Variants in ERBB4 observed in about 807,000 individuals in gnomAD.
ERBB4 encodes receptor tyrosine-protein kinase erbB-4.
Under a neutral mutation model 158.0 loss-of-function variants are expected in ERBB4, and 42 were observed. The ratio of observed to expected loss-of-function variants is 0.27; its 90% CI spans 0.21 to 0.34. The LOEUF is 0.34. Ranked by LOEUF, ERBB4 falls within the 10% of genes least tolerant of loss-of-function variation. The pLI is 1.00. For missense variants in ERBB4, 1,333 were observed against 1,624.1 expected, an observed-to-expected ratio of 0.82 and a Z score of 3.08; for synonymous variants, 583 against 558.7, an observed-to-expected ratio of 1.04 and a Z score of -0.61.
chr2:212,359,486 T>C (rs2089599988), intron 1 of ERBB4, among the ~76,000 whole-genome samples: 1 of 151,152 alleles, frequency 6.6e-6, no homozygotes, highest in South Asian at 2.1e-4. Flanking sequence ...TGGGCTAATG[T>C]ATCTGTTTTT....
intron 1 of ERBB4, among the ~76,000 whole-genome samples, 190 bp downstream of exon 1, chr2:212,538,255 GATAA>G (rs1197265174): frequency 2.0e-5 from 3 of 152,164 alleles, no homozygotes; most frequent in Admixed American, 6.5e-5. Context: ...GATTTTTCAC[GATAA>G]ATAAAGCAAA....
intron 20 of ERBB4, among the ~76,000 whole-genome samples, chr2:211,452,865 T>C (rs1160364526): frequency 6.6e-6 from 1 of 152,204 alleles, no homozygotes; most frequent in African/African-American, 2.4e-5. Context: ...ATCAAACAAT[T>C]GAAATCAACA....
At chr2:212,004,695 G>T (rs541048305) in intron 2 of ERBB4, among the ~76,000 whole-genome samples, 2 of 151,916 alleles carry the variant, frequency 1.3e-5, no homozygotes, top group African/African-American at 4.8e-5. Flanking sequence ...GAAAGACTCT[G>T]GTCTATCACA....
intron 4 of ERBB4, among the ~76,000 whole-genome samples, chr2:211,773,810 C>T (rs976607756): frequency 6.7e-6 from 1 of 150,292 alleles, no homozygotes; most frequent in Non-Finnish European, 1.5e-5. Flanking sequence ...AGAAAACAAC[C>T]TGGATTACTC....
intron 3 of ERBB4, among the ~76,000 whole-genome samples, chr2:211,883,005 G>A (rs969116096): frequency 6.6e-6 from 1 of 152,112 alleles, no homozygotes; most frequent in Non-Finnish European, 1.5e-5. Flanking sequence ...ACATGCACAC[G>A]TATGTTTATT....
At chr2:211,589,047 A>G (rs183501648) in intron 19 of ERBB4, among the ~76,000 whole-genome samples, 17 of 152,292 alleles carry the variant, frequency 1.1e-4, no homozygotes, top group Non-Finnish European at 2.1e-4. Context: ...AATCCTGAAA[A>G]TCTATAATTG....
intron 1 of ERBB4, among the ~76,000 whole-genome samples, chr2:212,277,420 C>A (rs1297423936): frequency 1.3e-5 from 2 of 151,792 alleles, no homozygotes; most frequent in African/African-American, 4.8e-5. Flanking sequence ...CGATTTCACC[C>A]CCGAATAAAT....
intron 20 of ERBB4, among the ~76,000 whole-genome samples, chr2:211,500,093 T>A (rs4672618): frequency 0.16 from 24,044 of 152,042 alleles, 2,282 homozygotes; most frequent in East Asian, 0.38. Flanking sequence ...GGAGATGAAA[T>A]GGTCTTTGAA....
chr2:211,817,207 C>T (rs1307302958), intron 3 of ERBB4, among the ~76,000 whole-genome samples: 1 of 152,106 alleles, frequency 6.6e-6, no homozygotes, highest in African/African-American at 2.4e-5. Flanking sequence ...TAGCATCTTC[C>T]TCAAAGATAA....
intron 19 of ERBB4, among the ~76,000 whole-genome samples, chr2:211,580,038 G>C (rs930555967): frequency 2.0e-5 from 3 of 152,146 alleles, no homozygotes; most frequent in African/African-American, 4.8e-5. Context: ...AACCAGAAAC[G>C]TGAATACCCA....
intron 16 of ERBB4, among the ~76,000 whole-genome samples, chr2:211,650,149 G>T (rs2070930675): frequency 6.6e-6 from 1 of 151,846 alleles, no homozygotes; most frequent in Non-Finnish European, 1.5e-5. Flanking sequence ...TACTTACTTA[G>T]GATCTAATAC....
intron 13 of ERBB4, 79 bp downstream of exon 13, chr2:211,678,966 CAAAAAAA>C (rs71054127): frequency 1.6e-4 from 83 of 508,580 alleles, no homozygotes; most frequent in Non-Finnish European, 2.2e-4. Flanking sequence ...GACTCCGTCT[CAAAAAAA>C]AAAAAAAAAA....
chr2:211,944,988 A>T (rs1402214026), intron 3 of ERBB4, among the ~76,000 whole-genome samples: 1 of 152,194 alleles, frequency 6.6e-6, no homozygotes, highest in African/African-American at 2.4e-5. Flanking sequence ...CCAGTCCAGT[A>T]GCTCTGCACT....
chr2:212,419,196 G>A (rs1352741970), intron 1 of ERBB4, among the ~76,000 whole-genome samples: 2 of 151,334 alleles, frequency 1.3e-5, no homozygotes, highest in Non-Finnish European at 3.0e-5. Context: ...TGAACTGAAC[G>A]TTCAAAATTA....
intron 1 of ERBB4, among the ~76,000 whole-genome samples, chr2:212,526,269 T>A (rs1457969646): frequency 1.3e-5 from 2 of 152,066 alleles, no homozygotes; most frequent in African/African-American, 4.8e-5. Flanking sequence ...TCTATTTGTC[T>A]TATCTTTTTC....
intron 1 of ERBB4, among the ~76,000 whole-genome samples, chr2:212,449,487 C>T (rs79292196): frequency 9.9e-5 from 15 of 152,124 alleles, no homozygotes; most frequent in Non-Finnish European, 2.1e-4. Flanking sequence ...AGATTGCAGG[C>T]TGTATTTAAT....
At chr2:211,703,654 C>T (rs982103226) in intron 11 of ERBB4, among the ~76,000 whole-genome samples, 1 of 152,106 alleles carries the variant, frequency 6.6e-6, no homozygotes, top group African/African-American at 2.4e-5. Context: ...CAGCACTACA[C>T]GTACAGTGGT....
At chr2:212,089,740 A>G (rs1334330387) in intron 2 of ERBB4, among the ~76,000 whole-genome samples, 1 of 152,170 alleles carries the variant, frequency 6.6e-6, no homozygotes, top group Non-Finnish European at 1.5e-5. Flanking sequence ...GAGCCAATTA[A>G]GCTCTTTTCT....
At chr2:212,056,101 A>C (rs1303376844) in intron 2 of ERBB4, among the ~76,000 whole-genome samples, 1 of 152,278 alleles carries the variant, frequency 6.6e-6, no homozygotes, top group Non-Finnish European at 1.5e-5. Flanking sequence ...ATGGAGCTGA[A>C]AAACATGGCA....
Sources: gnomAD v4.1 joint callset for allele counts (sites outside exome capture counted in the v4.1 genomes callset) on GRCh38, gnomAD v4.1.1 for gene constraint, MANE v1.5 for transcripts, NCBI Gene and HGNC (gene_info 2026-07-23, HGNC 2026-07-21) for gene names.